Variants in DDR2 observed in about 807,000 individuals in gnomAD.
DDR2 encodes the protein discoidin domain-containing receptor 2.
In DDR2, 27 loss-of-function variants were observed where a neutral mutation model predicts 94.9. That is an observed-to-expected ratio of 0.28 (90% CI 0.21 to 0.39). The LOEUF is 0.39. Among genes scored for constraint, DDR2 ranks in the 10% least tolerant of loss-of-function variants. The probability of loss-of-function intolerance (pLI) is 1.00; values close to 1 mark genes in which losing one functional copy is unlikely to be tolerated. For missense variants in DDR2, 783 were observed against 1,076.0 expected, an observed-to-expected ratio of 0.73 and a Z score of 3.81; for synonymous variants, 382 against 377.2, an observed-to-expected ratio of 1.01 and a Z score of -0.15.
intron 3 of DDR2, among the ~76,000 whole-genome samples, chr1:162,752,161 GAA>G (rs60585471): frequency 9.3e-5 from 14 of 150,160 alleles, no homozygotes; most frequent in South Asian, 2.1e-4. Context: ...AAAGAGAAAA[GAA>G]AAAAAAAAAC....
intron 16 of DDR2, among the ~76,000 whole-genome samples, chr1:162,776,780 A>G (rs922072653): frequency 6.6e-6 from 1 of 152,160 alleles, no homozygotes; most frequent in Non-Finnish European, 1.5e-5. Context: ...GTATTTCAAT[A>G]CTTTTCAACA....
chr1:162,750,219 G>T (rs577637295), intron 3 of DDR2, among the ~76,000 whole-genome samples: 1 of 152,276 alleles, frequency 6.6e-6, no homozygotes, highest in African/African-American at 2.4e-5. Context: ...GTTTGCAGAT[G>T]ACATGATTGT....
chr1:162,767,348 A>G lies in DDR2; in HGVS notation c.1282A>G (p.Met428Val). 6.2e-7 allele frequency: 1 copy of G among 1,613,946 alleles called. No individual in the cohort carries two copies. The highest frequency in any genetic ancestry group is 8.5e-7 in the Non-Finnish European group (1 of 1,179,986). ...CCTCTGGAGGCAGTTCTGGCAGAAA[A>G]TGCTGGAGAAGGTGAGGAGGTGCAG... ...IILWRQFWQK[M>V]LEKASRRMLD... is the part of the protein sequence containing the mutation. The change falls in exon 11 of 18, where the codon ATG becomes GTG. Residue 428 changes from methionine to valine, a missense_variant. Around this residue, in one of 2 missense-constraint regions of DDR2, gnomAD observed 519 missense variants for 647.9 expected, o/e 0.80. Transcript: ENST00000367921.
Position 162,783,630 on chromosome 1 carries a change from T to C in DDR2, c.*3384T>C, listed in dbSNP as rs1648021761. The C allele has an allele frequency of 6.6e-6, 1 of 152,052 alleles. No homozygotes were observed. The highest frequency in any genetic ancestry group is 2.4e-5 in the African/African-American group (1 of 41,388). The allele number at this position is 152,052 out of a possible 1,614,324, so 9.4% of individuals were successfully genotyped here. Reference sequence around the variant, plus strand: ...TCTTGAAGTAAAAGATAAATATGGATGGAGAAAGAAGAAATTCTGGATGAT... The same window carrying C: ...TCTTGAAGTAAAAGATAAATATGGACGGAGAAAGAAGAAATTCTGGATGAT... On this transcript the variant is annotated 3_prime_UTR_variant, in exon 18 of 18. Coordinates refer to ENST00000367921, the MANE Select transcript of DDR2 (RefSeq NM_006182.4).
Position 162,772,034 on chromosome 1 carries a change from T to G in DDR2, c.1515T>G (p.Gly505=). The part of the protein sequence containing the change: ...APGEEESGCS[G]VVKPVQPSGP... ...CCCTTGTCTTCCCAGGCTGCAGCGG[T>G]GTTGTGAAGCCAGTCCAGCCCAGTG... The change falls in exon 13 of 18, where the codon GGT becomes GGG. Residue 505 remains glycine (G), a synonymous_variant. Coordinates refer to ENST00000367921, the MANE Select transcript of DDR2 (RefSeq NM_006182.4). 1 of 1,607,742 alleles carries G rather than the reference T, an allele frequency of 6.2e-7. No individual in the cohort carries two copies.
Position 162,781,316 on chromosome 1 carries a change from G to T in DDR2, c.*1070G>T, listed in dbSNP as rs898787018. On this transcript the variant is annotated 3_prime_UTR_variant, in exon 18 of 18. Coordinates refer to ENST00000367921, the MANE Select transcript of DDR2 (RefSeq NM_006182.4). ...TAATGGCCTTGTCTAAGAGGGAATA[G>T]ATCTGTTCTGAGTGTCCCCAAAAAA... The T allele has an allele frequency of 5.3e-5, 8 of 152,178 alleles. No individual in the cohort carries two copies. The highest frequency in any genetic ancestry group is 1.9e-4 in the African/African-American group (8 of 41,446). 9.4% of individuals were successfully genotyped at this position (152,178 alleles called of 1,614,324 possible).
intron 4 of DDR2, 90 bp downstream of exon 4, chr1:162,753,287 G>T: frequency 8.5e-7 from 1 of 1,176,690 alleles, no homozygotes; most frequent in African/African-American, 1.5e-5. Flanking sequence ...TGGGGAAGGT[G>T]GTGTTATTGG....
chr1:162,729,626 A>G (rs1469683098), intron 3 of DDR2, among the ~76,000 whole-genome samples: 4 of 151,154 alleles, frequency 2.6e-5, no homozygotes, highest in African/African-American at 9.7e-5. Context: ...CACCTATTAC[A>G]GTGCTTGGCT....
At chr1:162,660,138 C>T (rs1158131832) in intron 2 of DDR2, among the ~76,000 whole-genome samples, 2 of 152,146 alleles carry the variant, frequency 1.3e-5, no homozygotes, top group Admixed American at 6.5e-5. Context: ...TGGAGTCTCT[C>T]TTCTAGACTT....
chr1:162,696,307 A>C (rs996368196), intron 2 of DDR2, among the ~76,000 whole-genome samples: 1 of 151,206 alleles, frequency 6.6e-6, no homozygotes, highest in African/African-American at 2.4e-5. Flanking sequence ...GTGAGTGTGC[A>C]TGCTCTGAGC....
chr1:162,694,500 T>C (rs901167258), intron 2 of DDR2, among the ~76,000 whole-genome samples: 2 of 152,192 alleles, frequency 1.3e-5, no homozygotes, highest in African/African-American at 4.8e-5. Flanking sequence ...TGTTGTTTAG[T>C]CTGGGAAGCT....
intron 14 of DDR2, 148 bp from the exon 15 acceptor site, chr1:162,775,504 G>C (rs1647484086): frequency 2.7e-6 from 2 of 751,548 alleles, no homozygotes; most frequent in South Asian, 3.1e-5. Context: ...ACAGATCCAG[G>C]TGTCAATTTC....
intron 2 of DDR2, among the ~76,000 whole-genome samples, chr1:162,689,841 T>TAAAAAAAAAAAAACAAAAAA (rs1558028580): frequency 6.8e-5 from 1 of 14,686 alleles, no homozygotes; most frequent in African/African-American, 1.5e-4. Context: ...CCATCTCTAC[T>TAAAAAAAAAAAAACAAAAAA]TAAAAAAAAA....
chr1:162,689,357 A>T (rs529473424), intron 2 of DDR2, among the ~76,000 whole-genome samples: 1 of 152,314 alleles, frequency 6.6e-6, no homozygotes, highest in Admixed American at 6.5e-5. Context: ...CTTATTTTAT[A>T]ACTGAAGAAG....
intron 2 of DDR2, among the ~76,000 whole-genome samples, chr1:162,665,814 A>T (rs1288244287): frequency 6.6e-6 from 1 of 152,180 alleles, no homozygotes; most frequent in Admixed American, 6.5e-5. Flanking sequence ...ACTATTTATG[A>T]TATTTCTGAA....
intron 7 of DDR2, among the ~76,000 whole-genome samples, chr1:162,759,023 G>A (rs1186321558): frequency 2.0e-5 from 3 of 152,130 alleles, no homozygotes; most frequent in Non-Finnish European, 2.9e-5. Context: ...GGAAAACTCA[G>A]CCTTTAAAAC....
chr1:162,730,072 A>G (rs1453511258), intron 3 of DDR2, among the ~76,000 whole-genome samples: 2 of 151,536 alleles, frequency 1.3e-5, no homozygotes, highest in African/African-American at 2.4e-5. Context: ...AAAAAAAAAA[A>G]AAATCTAAAT....
At chr1:162,701,772 T>C (rs142352562) in intron 2 of DDR2, among the ~76,000 whole-genome samples, 1 of 152,340 alleles carries the variant, frequency 6.6e-6, no homozygotes, top group East Asian at 1.9e-4. Flanking sequence ...TGTTCCCTCT[T>C]ATTTTTGATG....
chr1:162,655,849 A>C lies in DDR2; in HGVS notation c.-28+475A>C, dbSNP rs562373355. On this transcript the variant is annotated intron_variant, in intron 2 of 17. Transcript: ENST00000367921. ...AATTTGAGGTGATTTAGAGTAAAAC[A>C]ATACTTAATAGAAGCACTACAACCA... Among the ~76,000 whole-genome samples the C allele has an allele frequency of 1.1e-4, 16 of 152,300 alleles. No homozygotes were observed. In the East Asian group the frequency reaches 2.9e-3, roughly 28 times the overall value.
Sources: gnomAD v4.1 joint callset for allele counts (sites outside exome capture counted in the v4.1 genomes callset) on GRCh38, gnomAD v4.1.1 for gene constraint, gnomAD v4.1.1 regional missense constraint, MANE v1.5 for transcripts, NCBI Gene and HGNC (gene_info 2026-07-23, HGNC 2026-07-21) for gene names.